CCDC170: variants seen among roughly 807,000 people sequenced by gnomAD.
The protein encoded by CCDC170 is coiled-coil domain-containing protein 170.
Under a neutral mutation model 72.6 loss-of-function variants are expected in CCDC170, and 69 were observed. That is an observed-to-expected ratio of 0.95 (90% CI 0.78 to 1.16). The LOEUF is 1.16. Among genes scored for constraint, CCDC170 ranks in the 50% most tolerant of loss-of-function variants. CCDC170 has a pLI of 0.00. For missense variants in CCDC170, 852 were observed against 832.5 expected, an observed-to-expected ratio of 1.02 and a Z score of -0.29; for synonymous variants, 300 against 303.9, an observed-to-expected ratio of 0.99 and a Z score of 0.13.
chr6:151,597,790 T>C (rs898050116), intron 9 of CCDC170, among the ~76,000 whole-genome samples: 5 of 152,210 alleles, frequency 3.3e-5, no homozygotes, highest in Non-Finnish European at 5.9e-5. Context: ...TAACTTAATA[T>C]GCACACATCA....
intron 5 of CCDC170, among the ~76,000 whole-genome samples, chr6:151,553,452 AGTT>A (rs1450999180): frequency 2.0e-5 from 3 of 152,180 alleles, no homozygotes; most frequent in Non-Finnish European, 2.9e-5. Flanking sequence ...TATAACTAGT[AGTT>A]ATTAAATTAT....
chr6:151,559,922 T>C (rs1440966117), intron 5 of CCDC170, among the ~76,000 whole-genome samples: 1 of 108,394 alleles, frequency 9.2e-6, no homozygotes, highest in Non-Finnish European at 2.3e-5. Flanking sequence ...CATCCTTTTA[T>C]ATTTTTTTGG....
At chr6:151,579,018 A>G (rs1182931358) in intron 6 of CCDC170, among the ~76,000 whole-genome samples, 1 of 152,088 alleles carries the variant, frequency 6.6e-6, no homozygotes, top group African/African-American at 2.4e-5. Context: ...TTCTTTAACT[A>G]TATTGTGCTT....
rs1014996802 is a variant in CCDC170 at position 151,558,659 on chromosome 6, C to T, written c.774+10170C>T. ...ATTTATTGAAGAGGCTCTCTTTTAC[C>T]GCAATGTATATGCTTGGCACCATTG... On this transcript the variant is annotated intron_variant, in intron 5 of 10. Transcript: ENST00000239374. Among the ~76,000 whole-genome samples the T allele has an allele frequency of 1.4e-4, 21 of 152,186 alleles. 1 individual carries two copies. The South Asian group carries it at 1.5e-3, about 11-fold the overall frequency.
intron 5 of CCDC170, among the ~76,000 whole-genome samples, chr6:151,570,418 A>G (rs181266349): frequency 6.6e-6 from 1 of 152,340 alleles, no homozygotes; most frequent in East Asian, 1.9e-4. Context: ...AAAAATATGG[A>G]AAAAAGCCAA....
chr6:151,592,992 G>A, intron 7 of CCDC170, 115 bp from the exon 8 acceptor site: 8 of 1,135,010 alleles, frequency 7.0e-6, no homozygotes, highest in Non-Finnish European at 1.0e-5. Flanking sequence ...TCCGTTCCAT[G>A]CTCTCTGCAA....
At chr6:151,577,438 T>A (rs1372479480) in intron 6 of CCDC170, among the ~76,000 whole-genome samples, 1 of 152,264 alleles carries the variant, frequency 6.6e-6, no homozygotes, top group Non-Finnish European at 1.5e-5. Flanking sequence ...CAGTTGTTTA[T>A]GAAATAATGA....
intron 1 of CCDC170, among the ~76,000 whole-genome samples, chr6:151,528,526 T>C (rs996725298): frequency 5.9e-5 from 9 of 152,190 alleles, no homozygotes; most frequent in African/African-American, 2.2e-4. Context: ...GTGAAGGTAA[T>C]ACAGTTATTG....
rs370019758 is a variant in CCDC170 at position 151,508,353 on chromosome 6, C to T, written c.57+14168C>T. 1.2e-4 allele frequency among the ~76,000 whole-genome samples: 19 copies of T among 152,178 alleles called. No individual in the cohort carries two copies. The South Asian group carries it at 3.5e-3, about 28-fold the overall frequency. ...AGGAGTTTGAGTCTAGCCTGGCCAA[C>T]ATGGTGAAACCCTGCCTCTCCTAAA... On this transcript the variant is annotated intron_variant, in intron 1 of 10. Transcript: ENST00000239374.
At chr6:151,540,594 C>A (rs936503330) in intron 3 of CCDC170, among the ~76,000 whole-genome samples, 1 of 151,474 alleles carries the variant, frequency 6.6e-6, no homozygotes, top group African/African-American at 2.4e-5. Context: ...ACCATGTTGG[C>A]CAGGGTGGTC....
At chr6:151,553,809 G>A (rs1282411546) in intron 5 of CCDC170, among the ~76,000 whole-genome samples, 2 of 152,010 alleles carry the variant, frequency 1.3e-5, no homozygotes, top group East Asian at 1.9e-4. Flanking sequence ...TGTGCCTCCC[G>A]AAGATTTACT....
At chr6:151,530,703 A>G (rs1466083024) in intron 1 of CCDC170, among the ~76,000 whole-genome samples, 5 of 152,156 alleles carry the variant, frequency 3.3e-5, no homozygotes, top group African/African-American at 9.6e-5. Context: ...CCAAAGTGCT[A>G]GGATTACAGG....
At chr6:151,602,643 T>G (rs75210239) in intron 9 of CCDC170, among the ~76,000 whole-genome samples, 3,606 of 152,208 alleles carry the variant, frequency 0.024, 146 homozygotes, top group African/African-American at 0.081. Context: ...TGACAGTTCC[T>G]TCTTCACATG....
At chr6:151,617,270 T>C (rs1343563786) in intron 10 of CCDC170, among the ~76,000 whole-genome samples, 1 of 152,216 alleles carries the variant, frequency 6.6e-6, no homozygotes, top group Non-Finnish European at 1.5e-5. Flanking sequence ...CCTACTTTTC[T>C]TTCTTCAATG....
chr6:151,544,866 G>A (rs1782747989), intron 4 of CCDC170, 150 bp downstream of exon 4: 1 of 630,756 alleles, frequency 1.6e-6, no homozygotes, highest in Non-Finnish European at 2.6e-6. Flanking sequence ...CTTGGGACAA[G>A]TCACGTCACC....
chr6:151,512,167 T>G (rs1029304039), intron 1 of CCDC170, among the ~76,000 whole-genome samples: 6 of 150,144 alleles, frequency 4.0e-5, no homozygotes, highest in African/African-American at 1.5e-4. Context: ...TTTTTGTTTT[T>G]TTTTTTTTTT....
chr6:151,607,545 C>A (rs549070818), intron 9 of CCDC170, among the ~76,000 whole-genome samples: 1 of 152,038 alleles, frequency 6.6e-6, no homozygotes, highest in East Asian at 1.9e-4. Flanking sequence ...TTTCTTCTTG[C>A]GCTTGTCTAA....
At chr6:151,523,558 C>T (rs144716731) in intron 1 of CCDC170, among the ~76,000 whole-genome samples, 288 of 151,838 alleles carry the variant, frequency 1.9e-3, no homozygotes, top group Middle Eastern at 6.8e-3. Context: ...TGATGGTGCA[C>T]GCCTGTAATC....
intron 9 of CCDC170, among the ~76,000 whole-genome samples, chr6:151,612,939 A>G (rs1776897116): frequency 8.6e-6 from 1 of 116,044 alleles, no homozygotes; most frequent in Admixed American, 7.8e-5. Context: ...CTAAATTCAG[A>G]GCTGTACTGG....
Sources: gnomAD v4.1 joint callset for allele counts (sites outside exome capture counted in the v4.1 genomes callset) on GRCh38, gnomAD v4.1.1 for gene constraint, MANE v1.5 for transcripts, NCBI Gene and HGNC (gene_info 2026-07-23, HGNC 2026-07-21) for gene names.